The following ACSS1 variants were observed in gnomAD, a reference collection of about 807,000 sequenced individuals.
The protein encoded by ACSS1 is acyl-CoA synthetase short chain family member 1.
Under a neutral mutation model 75.3 loss-of-function variants are expected in ACSS1, and 42 were observed. The ratio of observed to expected loss-of-function variants is 0.56; its 90% CI spans 0.44 to 0.72. The LOEUF (loss-of-function observed/expected upper bound fraction) is 0.72, where lower values mean the gene tolerates loss of function less well. ACSS1 is among the 30% of genes least tolerant of loss of function. ACSS1 has a pLI of 0.00. For missense variants in ACSS1, 782 were observed against 935.7 expected (o/e 0.84, Z 2.14); for synonymous variants, 380 against 376.8 (o/e 1.01, Z -0.10).
chr20:25,026,860 C>T (rs1344640668), intron 3 of ACSS1, among the ~76,000 whole-genome samples: 2 of 152,200 alleles, frequency 1.3e-5, no homozygotes, highest in African/African-American at 4.8e-5. Context: ...CCCCTGCCCT[C>T]CCATGCTTGG....
intron 12 of ACSS1, chr20:25,010,679 G>A (rs1026045531): frequency 1.3e-5 from 2 of 152,304 alleles, no homozygotes; most frequent in Non-Finnish European, 2.9e-5. Context: ...AAAGAACACC[G>A]TTTTTCTCAT....
intron 2 of ACSS1, chr20:25,032,460 T>C (rs1185220559): frequency 3.0e-6 from 4 of 1,344,776 alleles, no homozygotes; most frequent in Non-Finnish European, 2.9e-6. Context: ...GACCTGGCAA[T>C]TGCATTAACC....
intron 7 of ACSS1, among the ~76,000 whole-genome samples, chr20:25,017,271 T>A (rs1307088566): frequency 6.6e-6 from 1 of 152,192 alleles, no homozygotes; most frequent in Non-Finnish European, 1.5e-5. Flanking sequence ...AATACAAATC[T>A]AGGGGGAATG....
Position 25,030,810 on chromosome 20 carries a change from C to T in ACSS1, c.580G>A (p.Val194Ile), listed in dbSNP as rs965374293. 1.2e-6 allele frequency: 2 copies of T among 1,614,258 alleles called. No homozygotes were observed. Among genetic ancestry groups the T allele is most frequent in the Non-Finnish European group, 1.7e-6 (2 of 1,180,050 alleles). ...ACARIGAVHT[V>I]IFAGFSAESL... is the part of the protein sequence containing the mutation. ...TCTGCACTGAAGCCAGCAAAGATGA[C>T]TGTGTGGACAGCTCCGATCCTGGCA... Residue 194 changes from valine (V) to isoleucine (I), a missense_variant, in exon 3 of 14, where the codon GTC becomes ATC. This residue lies in a region of ACSS1 where 377 missense variants were observed against 383.1 expected (regional missense o/e 0.98). Coordinates refer to ENST00000323482, the MANE Select transcript of ACSS1 (RefSeq NM_032501.4).
intron 1 of ACSS1, among the ~76,000 whole-genome samples, chr20:25,054,809 C>T (rs1403805226): frequency 6.6e-6 from 1 of 152,212 alleles, no homozygotes; most frequent in Non-Finnish European, 1.5e-5. Context: ...ATAGATCACA[C>T]AAAAATGGAG....
intron 5 of ACSS1, among the ~76,000 whole-genome samples, chr20:25,022,375 C>T (rs1485327647): frequency 1.3e-5 from 2 of 151,550 alleles, no homozygotes; most frequent in Non-Finnish European, 2.9e-5. Flanking sequence ...CAAAACAAAA[C>T]AAAACAAAAC....
rs1747024975 is a variant in ACSS1, at chr20:25,023,009, G to A, written c.891C>T (p.Ser297=). 1 of 1,614,006 alleles carries A rather than the reference G, an allele frequency of 6.2e-7. No homozygotes were observed. The highest frequency in any genetic ancestry group is 1.3e-5 in the African/African-American group (1 of 74,938). ...GGACGATGCCCTTGGGCATTCCGGT[G>A]CTCCCTGAGGTGTACAGCATGAAGA... ...DMLFMLYTSG[S]TGMPKGIVHT... Residue 297 remains serine, a synonymous_variant, in exon 5 of 14, where the codon AGC becomes AGT. Transcript: ENST00000323482.
intron 2 of ACSS1, among the ~76,000 whole-genome samples, chr20:25,033,425 CT>C (rs1227138031): frequency 6.6e-6 from 1 of 152,224 alleles, no homozygotes; most frequent in African/African-American, 2.4e-5. Flanking sequence ...AGCAAGCACC[CT>C]CCACCTTGTA....
rs755726325 is a variant in ACSS1 at position 25,020,003 on chromosome 20, C to G, written c.1246+7G>C. ...CAACCTCTCCTGCTGCAGGGCAGGC[C>G]GCTCACCTGACCCCAGGGTCCGCAG... On this transcript the variant is annotated splice_region_variant and intron_variant, in intron 7 of 13. Coordinates refer to ENST00000323482, the MANE Select transcript of ACSS1 (RefSeq NM_032501.4). The G allele has an allele frequency of 2.5e-6, 4 of 1,614,124 alleles. No individual in the cohort carries two copies. The highest frequency in any genetic ancestry group is 3.4e-6 in the Non-Finnish European group (4 of 1,180,022).
At chr20:25,017,480 G>C (rs1453819841) in intron 7 of ACSS1, among the ~76,000 whole-genome samples, 1 of 152,240 alleles carries the variant, frequency 6.6e-6, no homozygotes, top group Non-Finnish European at 1.5e-5. Context: ...GACATCACAA[G>C]ACGCCACGCT....
intron 2 of ACSS1, among the ~76,000 whole-genome samples, chr20:25,036,726 AG>A (rs1486049674): frequency 6.6e-6 from 1 of 152,036 alleles, no homozygotes; most frequent in African/African-American, 2.4e-5. Context: ...AGGCTGAGGC[AG>A]GCAGATCACT....
Position 25,021,462 on chromosome 20 carries a change from G to A in ACSS1, c.1035C>T (p.Tyr345=), listed in dbSNP as rs144972033. ...CATTGCAGAGAGGCCCATACACCAC[G>A]TAGCTGTGTCCTGTAATCCAACCGA... ...ADIGWITGHS[Y]VVYGPLCNGA... Residue 345 remains tyrosine (Y), a synonymous_variant, in exon 6 of 14, where the codon TAC becomes TAT. Coordinates refer to ENST00000323482, the MANE Select transcript of ACSS1 (RefSeq NM_032501.4). 1.2e-4 allele frequency: 194 copies of A among 1,614,190 alleles called. No individual in the cohort carries two copies. In the African/African-American group the frequency reaches 2.0e-3, roughly 17 times the overall value.
chr20:25,044,230 C>T (rs2089049644), intron 2 of ACSS1, among the ~76,000 whole-genome samples: 3 of 152,206 alleles, frequency 2.0e-5, no homozygotes, highest in Admixed American at 2.0e-4. Flanking sequence ...TCTACCTGGG[C>T]CACCGCTTTT....
chr20:25,047,663 G>A (rs1363136389), intron 2 of ACSS1, among the ~76,000 whole-genome samples: 2 of 152,240 alleles, frequency 1.3e-5, no homozygotes, highest in East Asian at 3.9e-4. Flanking sequence ...AGGCAAACGG[G>A]GTTTGCATGG....
chr20:25,028,146 T>G (rs978517562), intron 3 of ACSS1, among the ~76,000 whole-genome samples: 2 of 152,226 alleles, frequency 1.3e-5, no homozygotes, highest in African/African-American at 4.8e-5. Flanking sequence ...TGGAAAGATA[T>G]CCCATGTTTG....
At chr20:25,041,783 A>G (rs1032884307) in intron 2 of ACSS1, among the ~76,000 whole-genome samples, 33 of 152,248 alleles carry the variant, frequency 2.2e-4, no homozygotes, top group African/African-American at 8.0e-4. Flanking sequence ...GAGATGGGCC[A>G]CCGTGGGTGG....
chr20:25,056,562 T>C (rs866703984), intron 1 of ACSS1, among the ~76,000 whole-genome samples: 22 of 152,322 alleles, frequency 1.4e-4, no homozygotes, highest in South Asian at 4.1e-4. Context: ...CTACTGCTTA[T>C]GGGTCACCAG....
chr20:25,027,887 C>T (rs1568838205), intron 3 of ACSS1, among the ~76,000 whole-genome samples: 2 of 151,030 alleles, frequency 1.3e-5, no homozygotes, highest in African/African-American at 4.9e-5. Flanking sequence ...AATGAATCCA[C>T]AAAAAAACTA....
At position 25,012,616 on chromosome 20, in the gene ACSS1, C is replaced by G; in HGVS notation, c.1756G>C (p.Asp586His). The change falls in exon 12 of 14, where the codon GAC becomes CAC. Residue 586 changes from aspartate to histidine, a missense_variant. Physicochemically the swap from Asp to His is moderately conservative, Grantham distance 81 (BLOSUM62 -1). Around this residue, in one of 2 missense-constraint regions of ACSS1, gnomAD observed 405 missense variants for 552.6 expected, o/e 0.73. Coordinates refer to ENST00000323482, the MANE Select transcript of ACSS1 (RefSeq NM_032501.4). The part of the protein sequence containing the change: ...PESAVIGYPH[D>H]IKGEAAFAFI... ...GGACACTCACCTTCTCCTTTGATGTCGTGGGGGTAGCCAATGACAGCACTT... is the reference window on the plus strand; with the variant it reads ...GGACACTCACCTTCTCCTTTGATGTGGTGGGGGTAGCCAATGACAGCACTT... 2 of 1,614,170 alleles carry G rather than the reference C, an allele frequency of 1.2e-6. No homozygotes were observed. Among genetic ancestry groups the G allele is most frequent in the Non-Finnish European group, 1.7e-6 (2 of 1,180,040 alleles).
Sources: gnomAD v4.1 joint callset for allele counts (sites outside exome capture counted in the v4.1 genomes callset) on GRCh38, gnomAD v4.1.1 for gene constraint, gnomAD v4.1.1 regional missense constraint, MANE v1.5 for transcripts, NCBI Gene and HGNC (gene_info 2026-07-23, HGNC 2026-07-21) for gene names.